Variants in POLN observed in about 807,000 individuals in gnomAD.
POLN encodes the protein DNA polymerase N.
In POLN, 108 loss-of-function variants were observed where a neutral mutation model predicts 113.5. The observed-to-expected ratio is 0.95, with a 90% CI of 0.81 to 1.12. POLN has a LOEUF of 1.12. Among genes scored for constraint, POLN ranks in the 50% most tolerant of loss-of-function variants. The pLI, the probability that POLN is intolerant of heterozygous loss-of-function variation, is 0.00. For missense variants in POLN, 1,097 were observed against 1,077.1 expected, an observed-to-expected ratio of 1.02 and a Z score of -0.26; for synonymous variants, 386 against 391.5, an observed-to-expected ratio of 0.99 and a Z score of 0.17.
At chr4:2,241,236 G>A (rs1412530764) in intron 2 of POLN, 8 of 320,124 alleles carry the variant, frequency 2.5e-5, no homozygotes, top group East Asian at 2.0e-4. Context: ...ATGATAAAGA[G>A]AAACAGAAAC....
At chr4:2,213,169 C>G in intron 3 of POLN, 43 bp from the exon 4 acceptor site, 1 of 1,285,836 alleles carries the variant, frequency 7.8e-7, no homozygotes, top group South Asian at 1.3e-5. Flanking sequence ...ATTAAAGAAA[C>G]ATTGATATCT....
chr4:2,240,608 C>A (rs1734947539), intron 2 of POLN: 2 of 1,612,882 alleles, frequency 1.2e-6, no homozygotes, highest in African/African-American at 1.3e-5. Context: ...TTTTTAGGTT[C>A]TTTAATTTCA....
intron 13 of POLN, among the ~76,000 whole-genome samples, chr4:2,164,582 T>G (rs1171126629): frequency 3.4e-5 from 5 of 149,174 alleles, no homozygotes; most frequent in Non-Finnish European, 7.4e-5. Context: ...GTGGGTGGAT[T>G]ACCTGAGGTC....
At chr4:2,189,855 C>T (rs1406515447) in intron 7 of POLN, among the ~76,000 whole-genome samples, 2 of 151,620 alleles carry the variant, frequency 1.3e-5, no homozygotes, top group African/African-American at 4.8e-5. Context: ...ATGGTGAAAC[C>T]CCGTCTCTAC....
chr4:2,081,256 C>A, intron 22 of POLN: 1 of 1,391,120 alleles, frequency 7.2e-7, no homozygotes, highest in Non-Finnish European at 9.8e-7. Context: ...GGGTGCCTTA[C>A]TCCTGGAGGC....
intron 16 of POLN, among the ~76,000 whole-genome samples, chr4:2,152,499 T>C (rs1732320967): frequency 6.6e-6 from 1 of 151,348 alleles, no homozygotes; most frequent in South Asian, 2.1e-4. Context: ...ATTTAAAGCA[T>C]CTTAAAATTT....
chr4:2,101,679 G>A lies in POLN; in HGVS notation c.1983-5746C>T, dbSNP rs938802283. Among the ~76,000 whole-genome samples, 3 of 152,260 alleles carry A rather than the reference G, an allele frequency of 2.0e-5. No homozygotes were observed. In the East Asian group the frequency reaches 5.8e-4, roughly 29 times the overall value. ...CCTAGCTTTTAACAGACTGTGTGGT[G>A]CCATGAAACAATGGCGTTAGGCCTA... is the stretch of plus-strand genomic sequence containing the variant. On this transcript the variant is annotated intron_variant, in intron 19 of 25. Transcript: ENST00000511885.
chr4:2,084,571 C>T lies in POLN; in HGVS notation c.2197+1042G>A, dbSNP rs747494754. On this transcript the variant is annotated intron_variant, in intron 21 of 25. Coordinates refer to ENST00000511885, the MANE Select transcript of POLN (RefSeq NM_181808.4). ...CTGTGGCACAGATGCTGCCCACCTG[C>T]CCGTCTGCTGTGAGACCAACAAGGA... Among the ~76,000 whole-genome samples, 97 of 152,256 alleles carry T rather than the reference C, an allele frequency of 6.4e-4. 3 individuals carry two copies. The highest frequency in any genetic ancestry group is 1.6e-4 in the Non-Finnish European group (11 of 68,042).
At chr4:2,183,694 C>A (rs1191866237) in intron 7 of POLN, among the ~76,000 whole-genome samples, 1 of 151,886 alleles carries the variant, frequency 6.6e-6, no homozygotes, top group African/African-American at 2.4e-5. Context: ...CTAAGGAGTA[C>A]AGGGTTTTTT....
chr4:2,078,836 C>T (rs750923262), intron 23 of POLN: 44 of 985,350 alleles, frequency 4.5e-5, no homozygotes, highest in Non-Finnish European at 5.1e-5. Context: ...GTGTCTGTGT[C>T]CAGCTTTCAG....
rs183921358 is a variant in POLN at position 2,143,279 on chromosome 4, T to C, written c.1732-11989A>G. 2.4e-3 allele frequency among the ~76,000 whole-genome samples: 370 copies of C among 151,568 alleles called. 5 individuals carry two copies. Among genetic ancestry groups the C allele is most frequent in the Middle Eastern group, 3.4e-3 (1 of 294 alleles). On this transcript the variant is annotated intron_variant, in intron 16 of 25. Transcript: ENST00000511885. ...ATAGTAGAGAAAATCAATGAAAAGATCAATAAAATTGACAAAACTCTCAGT... is the reference window on the plus strand; with the variant it reads ...ATAGTAGAGAAAATCAATGAAAAGACCAATAAAATTGACAAAACTCTCAGT...
At position 2,229,031 on chromosome 4, in the gene POLN, T is replaced by C. The variant is rs928958099; in HGVS notation, c.133+68A>G. On this transcript the variant is annotated intron_variant, in intron 3 of 25. Transcript: ENST00000511885. The stretch of plus-strand genomic sequence containing the variant: ...CTGTCTACATGCATTCCATTTTCAA[T>C]TCTTAGTCTTTAGAACAATTAACAT... 5 of 1,455,912 alleles carry C rather than the reference T, an allele frequency of 3.4e-6. No homozygotes were observed. The African/African-American group carries it at 7.1e-5, about 21-fold the overall frequency. The allele number at this position is 1,455,912 out of a possible 1,614,324, so 90.2% of individuals were successfully genotyped here. A position where few individuals can be genotyped will look rare whatever the true frequency, so the allele number is the denominator to read the frequency against.
chr4:2,159,329 T>A (rs1022416026), intron 13 of POLN, 118 bp from the exon 14 acceptor site: 56 of 819,466 alleles, frequency 6.8e-5, no homozygotes, highest in South Asian at 1.7e-4. Flanking sequence ...TTTTCCAAAA[T>A]AAAGATGCAT....
Position 2,094,691 on chromosome 4 carries a change from G to A in POLN, c.2065+1160C>T, listed in dbSNP as rs35509684. 6.6e-5 allele frequency among the ~76,000 whole-genome samples: 10 copies of A among 152,282 alleles called. No homozygotes were observed. In the East Asian group the frequency reaches 1.9e-3, roughly 29 times the overall value. On this transcript the variant is annotated intron_variant, in intron 20 of 25. Transcript: ENST00000511885. The stretch of plus-strand genomic sequence containing the variant: ...GTGTTCCCATAGAGGGAAGAGTAGT[G>A]CAAAGCTCTGAGGTTGGAGCTGGCC...
intron 3 of POLN, among the ~76,000 whole-genome samples, chr4:2,218,649 T>G (rs936082812): frequency 3.3e-5 from 5 of 152,284 alleles, no homozygotes; most frequent in East Asian, 1.9e-4. Context: ...AAACAGTGGG[T>G]GGCGGGATAA....
intron 20 of POLN, among the ~76,000 whole-genome samples, chr4:2,094,149 C>A (rs1255669466): frequency 6.6e-6 from 1 of 151,996 alleles, no homozygotes; most frequent in Non-Finnish European, 1.5e-5. Context: ...GAGTTCAAGA[C>A]CAGCCTGGCC....
chr4:2,143,148 T>A (rs558733060), intron 16 of POLN, among the ~76,000 whole-genome samples: 3 of 151,752 alleles, frequency 2.0e-5, no homozygotes, highest in African/African-American at 7.2e-5. Flanking sequence ...CTCAAAGCAA[T>A]AATCTAGGCT....
chr4:2,138,845 G>C (rs1296364254), intron 16 of POLN, among the ~76,000 whole-genome samples: 4 of 151,772 alleles, frequency 2.6e-5, no homozygotes, highest in Admixed American at 6.6e-5. Flanking sequence ...AGTGAGCCAA[G>C]AATGTGCCAC....
chr4:2,161,262 G>A (rs1732580119), intron 13 of POLN, among the ~76,000 whole-genome samples: 2 of 152,364 alleles, frequency 1.3e-5, no homozygotes, highest in South Asian at 2.1e-4. Flanking sequence ...TTGCAGGGAG[G>A]TGTGGCGGGA....
Sources: allele counts gnomAD v4.1 joint callset (sites outside exome capture counted in the v4.1 genomes callset), GRCh38; gene constraint gnomAD v4.1.1; transcripts MANE v1.5; gene names NCBI Gene and HGNC (gene_info 2026-07-23, HGNC 2026-07-21).